XCR1: variants seen among roughly 807,000 people sequenced by gnomAD.
XCR1 encodes chemokine XC receptor 1.
For missense variants in XCR1, 356 were observed against 424.2 expected, an observed-to-expected ratio of 0.84 and a Z score of 1.41; for synonymous variants, 187 against 188.5, an observed-to-expected ratio of 0.99 and a Z score of 0.06.
At chr3:46,071,175 G>A (rs149136584) in intron 3 of XCR1, among the ~76,000 whole-genome samples, 162 of 152,158 alleles carry the variant, frequency 1.1e-3, no homozygotes, top group Middle Eastern at 0.01. Flanking sequence ...TAGAGGAAAT[G>A]GATAAATTCC....
chr3:46,035,798 G>A (rs1244534719), intron 5 of XCR1, among the ~76,000 whole-genome samples: 1 of 152,190 alleles, frequency 6.6e-6, no homozygotes, highest in Admixed American at 6.5e-5. Flanking sequence ...AGTGAGGGAA[G>A]CACCCTGTTT....
intron 5 of XCR1, among the ~76,000 whole-genome samples, chr3:46,040,596 G>A (rs1429895088): frequency 5.9e-5 from 9 of 152,078 alleles, no homozygotes; most frequent in African/African-American, 1.9e-4. Context: ...AATATATGTT[G>A]TCAGTAATAA....
At chr3:46,049,284 A>C (rs1195746263) in intron 5 of XCR1, among the ~76,000 whole-genome samples, 1 of 151,948 alleles carries the variant, frequency 6.6e-6, no homozygotes, top group East Asian at 1.9e-4. Context: ...TATAGCCCTA[A>C]TATGCCTGTG....
chr3:46,032,990 G>A (rs1300753356), intron 5 of XCR1, among the ~76,000 whole-genome samples: 7 of 152,074 alleles, frequency 4.6e-5, no homozygotes. Flanking sequence ...TCTTATCATT[G>A]AGTTCTAAGA....
intron 1 of XCR1, among the ~76,000 whole-genome samples, chr3:46,079,587 C>T (rs953516760): frequency 6.6e-6 from 1 of 152,098 alleles, no homozygotes; most frequent in Admixed American, 6.5e-5. Flanking sequence ...CCTTCCCTCC[C>T]ACTACCACCT....
At chr3:46,082,039 C>T (rs753181761) in intron 1 of XCR1, among the ~76,000 whole-genome samples, 22 of 152,148 alleles carry the variant, frequency 1.4e-4, no homozygotes, top group Admixed American at 2.6e-4. Flanking sequence ...ATTGGCCAAT[C>T]CCTGTGCCAC....
At chr3:46,068,880 G>T (rs1698120478) in intron 3 of XCR1, among the ~76,000 whole-genome samples, 1 of 151,942 alleles carries the variant, frequency 6.6e-6, no homozygotes, top group Non-Finnish European at 1.5e-5. Flanking sequence ...ACAAAGTTGT[G>T]GTTTTCCTTC....
At chr3:46,058,072 A>G (rs1697887775) in intron 4 of XCR1, among the ~76,000 whole-genome samples, 1 of 152,140 alleles carries the variant, frequency 6.6e-6, no homozygotes, top group South Asian at 2.1e-4. Context: ...ATATGGATTT[A>G]GGTAATGGAA....
chr3:46,078,313 C>G (rs1343229201), intron 1 of XCR1, among the ~76,000 whole-genome samples: 1 of 152,170 alleles, frequency 6.6e-6, no homozygotes, highest in African/African-American at 2.4e-5. Context: ...TGACTTACCT[C>G]CCAGACTCAG....
chr3:46,019,481 A>G lies in XCR1; in HGVS notation c.*1465T>C, dbSNP rs1475493912. The G allele has an allele frequency of 1.3e-5, 2 of 152,332 alleles. No individual in the cohort carries two copies. Among genetic ancestry groups the G allele is most frequent in the South Asian group, 2.1e-4 (1 of 4,830 alleles). 9.4% of individuals were successfully genotyped at this position (152,332 alleles called of 1,614,324 possible). A position where few individuals can be genotyped will look rare whatever the true frequency, so the allele number is the denominator to read the frequency against. ...TAGAGGGGACAAGCAGAATCCCACG[A>G]CAACCCAGAGAATGTTCTAATTTGC... On this transcript the variant is annotated 3_prime_UTR_variant, in exon 2 of 2. Transcript: ENST00000309285.
chr3:46,051,146 TTCTA>T (rs758071690), intron 5 of XCR1, among the ~76,000 whole-genome samples: 6 of 152,214 alleles, frequency 3.9e-5, no homozygotes, highest in Non-Finnish European at 8.8e-5. Context: ...CTAGCTGCTT[TTCTA>T]TCTGTTTTTC....
intron 5 of XCR1, among the ~76,000 whole-genome samples, chr3:46,034,930 A>T (rs1386470580): frequency 2.0e-5 from 3 of 152,096 alleles, no homozygotes; most frequent in Non-Finnish European, 4.4e-5. Context: ...ATTCATCATG[A>T]TTGCCTCCTT....
chr3:46,082,848 C>G (rs2125905085), intron 1 of XCR1, among the ~76,000 whole-genome samples: 1 of 152,286 alleles, frequency 6.6e-6, no homozygotes, highest in South Asian at 2.1e-4. Flanking sequence ...GGATAATTCT[C>G]TGATCAGAAT....
intron 5 of XCR1, among the ~76,000 whole-genome samples, chr3:46,047,741 G>T (rs1041333286): frequency 6.6e-6 from 1 of 152,224 alleles, no homozygotes; most frequent in Non-Finnish European, 1.5e-5. Flanking sequence ...GGGATTGGAT[G>T]CCAGTGTTGT....
At chr3:46,072,012 A>G (rs762116575) in intron 3 of XCR1, among the ~76,000 whole-genome samples, 6 of 152,222 alleles carry the variant, frequency 3.9e-5, no homozygotes, top group Non-Finnish European at 8.8e-5. Flanking sequence ...GAAAAGAGGT[A>G]GTAAAATTAT....
upstream of XCR1, among the ~76,000 whole-genome samples, chr3:46,028,408 GC>G (rs1157764039): frequency 6.6e-6 from 1 of 151,144 alleles, no homozygotes; most frequent in Non-Finnish European, 1.5e-5. Context: ...CAGAACCTTT[GC>G]CTTTTAAAAA....
chr3:46,083,936 C>A (rs1698424869), intron 1 of XCR1, among the ~76,000 whole-genome samples: 1 of 152,260 alleles, frequency 6.6e-6, no homozygotes, highest in East Asian at 1.9e-4. Context: ...CTTTTTCATT[C>A]TGGCATAAAA....
intron 4 of XCR1, among the ~76,000 whole-genome samples, chr3:46,066,596 C>A (rs774012972): frequency 2.6e-5 from 4 of 152,148 alleles, no homozygotes; most frequent in Non-Finnish European, 4.4e-5. Context: ...GGTGAGGCTC[C>A]TGGCATATAT....
chr3:46,025,771 C>G (rs1708276589), intron 1 of XCR1, among the ~76,000 whole-genome samples: 1 of 152,036 alleles, frequency 6.6e-6, no homozygotes, highest in Non-Finnish European at 1.5e-5. Flanking sequence ...CAGTTTTACA[C>G]AAACTATAAG....
Sources: gnomAD v4.1 joint callset for allele counts (sites outside exome capture counted in the v4.1 genomes callset) on GRCh38, gnomAD v4.1.1 for gene constraint, MANE v1.5 for transcripts, NCBI Gene and HGNC (gene_info 2026-07-23, HGNC 2026-07-21) for gene names.